The following CCDC171 variants were observed in gnomAD, a reference collection of about 807,000 sequenced individuals.
The protein encoded by CCDC171 is coiled-coil domain containing 171.
A neutral mutation model predicts 168.2 loss-of-function variants in CCDC171; 177 were observed. The ratio of observed to expected loss-of-function variants is 1.05; its 90% CI spans 0.93 to 1.19. The LOEUF (loss-of-function observed/expected upper bound fraction) is 1.19. Ranked by LOEUF, CCDC171 falls within the 50% of genes most tolerant of loss-of-function variation. The probability of loss-of-function intolerance (pLI) is 0.00; values close to 1 mark genes in which losing one functional copy is unlikely to be tolerated. For synonymous variants in CCDC171, 687 were observed against 540.8 expected (o/e 1.27, Z -3.75); for missense variants, 1,991 against 1,539.0 (o/e 1.29, Z -4.91).
chr9:15,553,845 A>C (rs1301529425), intron 1 of CCDC171, among the ~76,000 whole-genome samples: 2 of 151,158 alleles, frequency 1.3e-5, no homozygotes, highest in Admixed American at 1.3e-4. Flanking sequence ...GAATTTTTTT[A>C]TTCCATTATG....
the CCDC171 span, among the ~76,000 whole-genome samples, chr9:16,073,493 T>C: frequency 6.6e-6 from 1 of 152,246 alleles, no homozygotes; most frequent in Non-Finnish European, 1.5e-5. Flanking sequence ...TCATAATTAA[T>C]GTTTGTTTTG....
At chr9:15,976,797 A>C (rs1386077402), downstream of CCDC171, among the ~76,000 whole-genome samples, 2 of 152,070 alleles carry the variant, frequency 1.3e-5, no homozygotes, top group African/African-American at 4.8e-5. Context: ...ATCTTCTAAA[A>C]TTTTTACAAT....
At chr9:15,773,771 A>C (rs1044491624) in intron 18 of CCDC171, among the ~76,000 whole-genome samples, 1 of 152,174 alleles carries the variant, frequency 6.6e-6, no homozygotes, top group Middle Eastern at 3.2e-3. Context: ...AAATGCAAGA[A>C]AAACAAAGAT....
intron 24 of CCDC171, among the ~76,000 whole-genome samples, chr9:15,884,640 T>C (rs1819148864): frequency 2.0e-5 from 3 of 152,272 alleles, no homozygotes; most frequent in Middle Eastern, 3.4e-3. Flanking sequence ...AATGCCTGGA[T>C]TGAAGTTCTG....
chr9:16,045,054 A>G (rs1370002429), intron 1 of CCDC171, among the ~76,000 whole-genome samples: 1 of 152,194 alleles, frequency 6.6e-6, no homozygotes, highest in African/African-American at 2.4e-5. Flanking sequence ...CTTTGTAAAT[A>G]TGTAAAAAGC....
intron 3 of CCDC171, among the ~76,000 whole-genome samples, chr9:15,574,248 G>A (rs761994256): frequency 2.2e-4 from 34 of 151,882 alleles, no homozygotes; most frequent in South Asian, 1.0e-3. Context: ...AGGTTCAAGC[G>A]TTCCTCCTGC....
At chr9:16,063,488 G>A (rs1004615265), downstream of CCDC171, among the ~76,000 whole-genome samples, 2 of 152,154 alleles carry the variant, frequency 1.3e-5, no homozygotes, top group Non-Finnish European at 2.9e-5. Context: ...TTAAAATTCT[G>A]TATGGGAGAA....
At chr9:15,852,924 C>T (rs1382303727) in intron 23 of CCDC171, among the ~76,000 whole-genome samples, 1 of 151,624 alleles carries the variant, frequency 6.6e-6, no homozygotes, top group Non-Finnish European at 1.5e-5. Flanking sequence ...TCTGGACTCT[C>T]AATTCTGTTC....
rs1474187710 is a variant in CCDC171 at position 15,744,564 on chromosome 9, G to C, written c.2341G>C (p.Glu781Gln). 1.9e-6 allele frequency: 3 copies of C among 1,614,062 alleles called. No individual in the cohort carries two copies. Among genetic ancestry groups the C allele is most frequent in the Non-Finnish European group, 2.5e-6 (3 of 1,180,026 alleles). The change falls in exon 17 of 26, where the codon GAA becomes CAA. Residue 781 changes from glutamate (E) to glutamine (Q), a missense_variant. Glu to Gln is a conservative substitution (Grantham distance 29, BLOSUM62 2). Transcript: ENST00000380701. ...AGCCCAGGCTTTGTCAACTGTAGAG[G>C]AAAAGAAGCAAGAGGAAGCCAAGAT... is the stretch of plus-strand genomic sequence containing the variant. ...TLAQALSTVEEKKQEEAKMKK... is the reference protein window; with the variant it reads ...TLAQALSTVEQKKQEEAKMKK...
At chr9:16,041,866 T>G (rs576459438), upstream of CCDC171, among the ~76,000 whole-genome samples, 3 of 152,210 alleles carry the variant, frequency 2.0e-5, no homozygotes, top group South Asian at 6.2e-4. Flanking sequence ...GGAGAAAAAA[T>G]TTGGCATTGG....
At chr9:15,571,101 C>G (rs1345346269) in intron 2 of CCDC171, among the ~76,000 whole-genome samples, 1 of 152,198 alleles carries the variant, frequency 6.6e-6, no homozygotes, top group Admixed American at 6.5e-5. Flanking sequence ...TGTCCACATG[C>G]ATTTCAGCTT....
intron 7 of CCDC171, among the ~76,000 whole-genome samples, chr9:15,634,472 C>G (rs376049594): frequency 1.3e-5 from 2 of 152,218 alleles, no homozygotes; most frequent in Admixed American, 1.3e-4. Context: ...TGGTGCACCC[C>G]TCTTCCTCTC....
At chr9:15,966,821 A>G (rs1176985277) in intron 25 of CCDC171, among the ~76,000 whole-genome samples, 2 of 152,170 alleles carry the variant, frequency 1.3e-5, no homozygotes, top group Admixed American at 1.3e-4. Flanking sequence ...TGTTATTGGT[A>G]GCTAAAAGTT....
At chr9:15,627,884 G>A (rs939775407) in intron 7 of CCDC171, among the ~76,000 whole-genome samples, 10 of 151,854 alleles carry the variant, frequency 6.6e-5, no homozygotes, top group African/African-American at 9.7e-5. Flanking sequence ...GTTAACTTTC[G>A]TCTAGTTGAT....
intron 18 of CCDC171, among the ~76,000 whole-genome samples, chr9:15,767,949 G>A (rs1238734046): frequency 6.7e-6 from 1 of 148,918 alleles, no homozygotes; most frequent in African/African-American, 2.5e-5. Context: ...TGTCCAGGCT[G>A]GTCTTGAACT....
At chr9:16,028,915 T>C (rs572878771) in intron 6 of CCDC171, among the ~76,000 whole-genome samples, 1 of 152,250 alleles carries the variant, frequency 6.6e-6, no homozygotes, top group African/African-American at 2.4e-5. Context: ...TTCCTTTTCA[T>C]GGAGTCAGAC....
At chr9:16,044,201 G>A (rs914870894) in intron 1 of CCDC171, among the ~76,000 whole-genome samples, 1 of 152,172 alleles carries the variant, frequency 6.6e-6, no homozygotes, top group Non-Finnish European at 1.5e-5. Flanking sequence ...TAGTGAAGGG[G>A]ATCAAGCAAC....
intron 11 of CCDC171, among the ~76,000 whole-genome samples, chr9:15,721,115 A>G (rs2053451181): frequency 6.6e-6 from 1 of 152,220 alleles, no homozygotes; most frequent in South Asian, 2.1e-4. Context: ...GGAAATGCTC[A>G]TATTTTTACC....
intron 23 of CCDC171, among the ~76,000 whole-genome samples, chr9:15,854,004 G>GTTT (rs201544895): frequency 1.5e-5 from 2 of 135,682 alleles, no homozygotes; most frequent in South Asian, 2.4e-4. Flanking sequence ...GGTTTGCTAG[G>GTTT]TTTTTTTTTT....
Sources: gnomAD v4.1 joint callset for allele counts (sites outside exome capture counted in the v4.1 genomes callset) on GRCh38, gnomAD v4.1.1 for gene constraint, MANE v1.5 for transcripts, NCBI Gene and HGNC (gene_info 2026-07-23, HGNC 2026-07-21) for gene names.